The following PROS1 variants were observed in gnomAD, a reference collection of about 807,000 sequenced individuals.
PROS1 encodes the protein protein S.
A neutral mutation model predicts 75.9 loss-of-function variants in PROS1; 29 were observed. That is an observed-to-expected ratio of 0.38 (90% confidence interval 0.28 to 0.52). The LOEUF (loss-of-function observed/expected upper bound fraction) is 0.52. PROS1 is among the 20% of genes least tolerant of loss of function. The pLI, the probability that PROS1 is intolerant of heterozygous loss-of-function variation, is 0.83. For synonymous variants in PROS1, 245 were observed against 280.6 expected (o/e 0.87, Z 1.27); for missense variants, 680 against 810.3 (o/e 0.84, Z 1.95).
intron 10 of PROS1, among the ~76,000 whole-genome samples, chr3:93,890,110 C>T (rs572125697): frequency 6.6e-6 from 1 of 152,128 alleles, no homozygotes; most frequent in Non-Finnish European, 1.5e-5. Flanking sequence ...CTGGCAGTGT[C>T]TGTCTTATGC....
intron 2 of PROS1, 77 bp from the exon 3 acceptor site, chr3:93,924,341 GT>G (rs1412314251): frequency 2.3e-6 from 2 of 858,046 alleles, no homozygotes; most frequent in Non-Finnish European, 3.2e-6. Flanking sequence ...TTTATAATGT[GT>G]TTTTATATTA....
At chr3:93,892,220 C>T (rs539548049) in intron 10 of PROS1, among the ~76,000 whole-genome samples, 1 of 152,130 alleles carries the variant, frequency 6.6e-6, no homozygotes, top group South Asian at 2.1e-4. Flanking sequence ...ATCCCAGCTA[C>T]TCAGGAGGGT....
chr3:93,901,722 C>T (rs1404310970), intron 6 of PROS1, among the ~76,000 whole-genome samples: 1 of 152,106 alleles, frequency 6.6e-6, no homozygotes, highest in Non-Finnish European at 1.5e-5. Context: ...AAATAACTTG[C>T]ACAAAAATAA....
rs763660645 is a variant in PROS1 at position 93,884,762 on chromosome 3, A to G, written c.1458T>C (p.Pro486=). 1 of 1,613,874 alleles carries G rather than the reference A, an allele frequency of 6.2e-7. No homozygotes were observed. The highest frequency in any genetic ancestry group is 1.1e-5 in the South Asian group (1 of 91,010). Residue 486 remains proline, a synonymous_variant, in exon 12 of 15, where the codon CCT becomes CCC. Coordinates refer to ENST00000394236, the MANE Select transcript of PROS1 (RefSeq NM_000313.4). The part of the protein sequence containing the change: ...LVTVEKGSYY[P]GSGIAQFHID... ...TGTGAAATTGAGCAATTCCAGAACC[A>G]GGATAGTAGGAGCCCTTCTCCACAG...
intron 1 of PROS1, among the ~76,000 whole-genome samples, chr3:93,957,379 T>C (rs1453857240): frequency 6.6e-6 from 1 of 152,230 alleles, no homozygotes; most frequent in Non-Finnish European, 1.5e-5. Context: ...ATTGCATATC[T>C]GTATTTTCAA....
chr3:93,901,845 G>A (rs1164150518), intron 6 of PROS1, among the ~76,000 whole-genome samples: 2 of 152,154 alleles, frequency 1.3e-5, no homozygotes, highest in Non-Finnish European at 2.9e-5. Context: ...AGGGAAAATG[G>A]GGTAAAGGGT....
chr3:93,949,069 C>G (rs1409596243), intron 1 of PROS1, among the ~76,000 whole-genome samples: 1 of 152,220 alleles, frequency 6.6e-6, no homozygotes, highest in African/African-American at 2.4e-5. Flanking sequence ...ACCAATGTCT[C>G]TAAATTGCTC....
chr3:93,940,530 C>T (rs1709268188), intron 1 of PROS1, among the ~76,000 whole-genome samples: 1 of 152,130 alleles, frequency 6.6e-6, no homozygotes, highest in Non-Finnish European at 1.5e-5. Flanking sequence ...TTCTTTTATG[C>T]ACTCCTTTTT....
rs6121 is a variant in PROS1, at chr3:93,927,256, C to T, written c.228G>A (p.Pro76=). 5.8e-5 allele frequency: 94 copies of T among 1,612,268 alleles called. No individual in the cohort carries two copies. In the Middle Eastern group the frequency reaches 6.6e-4, roughly 11 times the overall value. ...AGTTTCCATAAATGCTTACCGTTTC[C>T]GGGTCATTTTCAAAGACCTCCCTGG... ...EEAREVFEND[P]ETDYFYPKYL... Residue 76 remains proline, a synonymous_variant, in exon 2 of 15, where the codon CCG becomes CCA. Coordinates refer to ENST00000394236, the MANE Select transcript of PROS1 (RefSeq NM_000313.4).
chr3:93,965,559 C>G (rs576090918), intron 1 of PROS1, among the ~76,000 whole-genome samples: 117 of 152,274 alleles, frequency 7.7e-4, no homozygotes, highest in African/African-American at 2.7e-3. Flanking sequence ...TCCATGAGGC[C>G]AAGAACCCCA....
chr3:93,971,165 A>G (rs935268607), intron 1 of PROS1, among the ~76,000 whole-genome samples: 2 of 151,546 alleles, frequency 1.3e-5, no homozygotes, highest in African/African-American at 4.9e-5. Context: ...AACATAGTGA[A>G]ACCCTGTCTC....
At chr3:93,909,219 C>T (rs553194941) in intron 4 of PROS1, among the ~76,000 whole-genome samples, 1 of 152,096 alleles carries the variant, frequency 6.6e-6, no homozygotes, top group East Asian at 1.9e-4. Context: ...AGGAGGATTG[C>T]TTGAGGCCAG....
chr3:93,906,152 A>G lies in PROS1; in HGVS notation c.347-9T>C. The G allele has an allele frequency of 6.2e-7, 1 of 1,612,586 alleles. No homozygotes were observed. The highest frequency in any genetic ancestry group is 8.5e-7 in the Non-Finnish European group (1 of 1,179,474). On this transcript the variant is annotated splice_polypyrimidine_tract_variant and intron_variant, in intron 4 of 14. Coordinates refer to ENST00000394236, the MANE Select transcript of PROS1 (RefSeq NM_000313.4). ...ACACTGGTCTGGAATGGCTGAAGGA[A>G]ATAGACATCTATTTATTTTTTTTAT...
intron 1 of PROS1, among the ~76,000 whole-genome samples, chr3:93,961,052 G>C (rs1287923451): frequency 2.0e-5 from 3 of 151,964 alleles, no homozygotes; most frequent in African/African-American, 4.8e-5. Flanking sequence ...AAAGCTTTAT[G>C]ATAGTTCAAT....
At chr3:93,900,331 T>G (rs1429499370) in intron 7 of PROS1, among the ~76,000 whole-genome samples, 1 of 152,218 alleles carries the variant, frequency 6.6e-6, no homozygotes. Flanking sequence ...CTGTGTCATT[T>G]TTTATTTTAG....
At chr3:93,927,512 T>C (rs1709037698) in intron 1 of PROS1, 105 bp from the exon 2 acceptor site, 4 of 1,287,250 alleles carry the variant, frequency 3.1e-6, no homozygotes, top group Non-Finnish European at 4.3e-6. Flanking sequence ...ATGAATTGTA[T>C]GACATTTAAA....
Position 93,873,824 on chromosome 3 carries a change from A to G in PROS1, c.*421T>C, listed in dbSNP as rs1708143346. The G allele has an allele frequency of 5.1e-6, 1 of 195,726 alleles. No individual in the cohort carries two copies. The allele number at this position is 195,726 out of a possible 1,614,324, so 12.1% of individuals were successfully genotyped here. A position where few individuals can be genotyped will look rare whatever the true frequency, so the allele number is the denominator to read the frequency against. ...CTTCTGCCTTCATCAGGAAAAAAACAAAAACATAAACAAAATAGTATCTGC... is the reference window on the plus strand; with the variant it reads ...CTTCTGCCTTCATCAGGAAAAAAACGAAAACATAAACAAAATAGTATCTGC... On this transcript the variant is annotated 3_prime_UTR_variant, in exon 15 of 15. Transcript: ENST00000394236.
At chr3:93,902,077 A>G (rs908501574) in intron 6 of PROS1, among the ~76,000 whole-genome samples, 2 of 152,104 alleles carry the variant, frequency 1.3e-5, no homozygotes, top group African/African-American at 4.8e-5. Context: ...TTTGGGGGTC[A>G]AAGTGTTCGA....
chr3:93,892,849 G>T, intron 10 of PROS1, 84 bp downstream of exon 10: 1 of 1,395,906 alleles, frequency 7.2e-7, no homozygotes, highest in Non-Finnish European at 1.0e-6. Context: ...ATCCATTTTG[G>T]TTTGGTATCA....
Sources: gnomAD v4.1 joint callset for allele counts (sites outside exome capture counted in the v4.1 genomes callset) on GRCh38, gnomAD v4.1.1 for gene constraint, MANE v1.5 for transcripts, NCBI Gene and HGNC (gene_info 2026-07-23, HGNC 2026-07-21) for gene names.